Variants in ZNF606 observed in about 807,000 individuals in gnomAD.
ZNF606 encodes the protein zinc finger protein 606, also known as zinc finger protein 328.
Under a neutral mutation model 74.9 loss-of-function variants are expected in ZNF606, and 37 were observed. That is an observed-to-expected ratio of 0.49 (90% CI 0.38 to 0.65). The LOEUF is 0.65. ZNF606 is among the 30% of genes least tolerant of loss of function. The pLI, the probability that ZNF606 is intolerant of heterozygous loss-of-function variation, is 0.00. For synonymous variants in ZNF606, 328 were observed against 312.4 expected, an observed-to-expected ratio of 1.05 and a Z score of -0.53; for missense variants, 852 against 952.9, an observed-to-expected ratio of 0.89 and a Z score of 1.39.
intron 4 of ZNF606, among the ~76,000 whole-genome samples, chr19:57,995,783 C>A (rs979503594): frequency 1.3e-5 from 2 of 152,070 alleles, no homozygotes; most frequent in African/African-American, 4.8e-5. Context: ...CATGCCACTG[C>A]ACTCCAGTAT....
intron 6 of ZNF606, among the ~76,000 whole-genome samples, chr19:57,985,934 A>G (rs1028718870): frequency 1.3e-5 from 2 of 151,222 alleles, no homozygotes; most frequent in African/African-American, 4.9e-5. Context: ...AGTCTGTCTC[A>G]ATAAATAAAT....
At chr19:57,995,485 A>C (rs1455361397) in intron 4 of ZNF606, among the ~76,000 whole-genome samples, 1 of 152,170 alleles carries the variant, frequency 6.6e-6, no homozygotes, top group Non-Finnish European at 1.5e-5. Flanking sequence ...AAGTTGAAAA[A>C]AGAAAACTAT....
At position 57,979,374 on chromosome 19, in the gene ZNF606, C is replaced by G. The variant is rs200069607; in HGVS notation, c.1306G>C (p.Val436Leu). The G allele has an allele frequency of 4.3e-6, 7 of 1,613,050 alleles. No homozygotes were observed. In the East Asian group the frequency reaches 1.6e-4, roughly 36 times the overall value. The change falls in exon 7 of 7, where the codon GTT becomes CTT. Residue 436 changes from valine (V) to leucine (L), a missense_variant. Physicochemically the swap from Val to Leu is conservative, Grantham distance 32. Around this residue, in one of 3 missense-constraint regions of ZNF606, gnomAD observed 545 missense variants for 542.5 expected, o/e 1.00. Coordinates refer to ENST00000551380, the MANE Select transcript of ZNF606 (RefSeq NM_001348022.3). ...KPYECDKCGKVFRNRSALTKH... is the reference protein window; with the variant it reads ...KPYECDKCGKLFRNRSALTKH... ...GTAAGGGCTGAGCGATTCCTAAAAA[C>G]TTTTCCACATTTATCACATTCATAG...
chr19:57,979,889 T>C lies in ZNF606; in HGVS notation c.791A>G (p.Asn264Ser). Reference sequence around the variant, plus strand: ...CTGATAAACAGTTTTGTCATAATCATTATTTTCACAGGTAACCTTATCTGC... The same window carrying C: ...CTGATAAACAGTTTTGTCATAATCACTATTTTCACAGGTAACCTTATCTGC... ...MYADKVTCEN[N>S]DYDKTVYQSI... The change falls in exon 7 of 7, where the codon AAT becomes AGT. Residue 264 changes from asparagine (N) to serine (S), a missense_variant. Coordinates refer to ENST00000551380, the MANE Select transcript of ZNF606 (RefSeq NM_001348022.3). 1 of 1,613,936 alleles carries C rather than the reference T, an allele frequency of 6.2e-7. No individual in the cohort carries two copies. Among genetic ancestry groups the C allele is most frequent in the African/African-American group, 1.3e-5 (1 of 75,054 alleles).
intron 6 of ZNF606, among the ~76,000 whole-genome samples, chr19:57,984,733 C>T (rs73066266): frequency 0.29 from 44,397 of 151,992 alleles, 7,776 homozygotes; most frequent in South Asian, 0.46. Context: ...AAAATTTCAC[C>T]ACTCTGTAAA....
intron 4 of ZNF606, among the ~76,000 whole-genome samples, chr19:57,991,459 T>C (rs887625920): frequency 1.5e-4 from 23 of 152,222 alleles, no homozygotes; most frequent in Non-Finnish European, 3.4e-4. Context: ...CTCAGTATGC[T>C]TGATGACTAC....
At chr19:58,002,280 C>T (rs951417874) in intron 1 of ZNF606, 116 bp downstream of exon 1, 2 of 456,620 alleles carry the variant, frequency 4.4e-6, no homozygotes, top group East Asian at 6.9e-5. Flanking sequence ...CGGGGTTATT[C>T]GTCCCATCAA....
chr19:57,986,126 T>C (rs1333629073), intron 6 of ZNF606, among the ~76,000 whole-genome samples: 3 of 151,868 alleles, frequency 2.0e-5, no homozygotes, highest in Non-Finnish European at 4.4e-5. Flanking sequence ...CCTTCAAAAA[T>C]GAAGGAGAAA....
intron 4 of ZNF606, among the ~76,000 whole-genome samples, chr19:57,994,474 C>T (rs1378633662): frequency 6.6e-6 from 1 of 152,218 alleles, no homozygotes; most frequent in Non-Finnish European, 1.5e-5. Context: ...TTGACAAAAA[C>T]ATACCAACAT....
chr19:58,000,569 G>C (rs1166882458), intron 3 of ZNF606, 114 bp downstream of exon 3: 2 of 1,146,246 alleles, frequency 1.7e-6, no homozygotes, highest in Non-Finnish European at 2.6e-6. Flanking sequence ...GACAGATCTG[G>C]ACCACCTGCC....
intron 4 of ZNF606, chr19:57,998,689 A>C (rs188277809): frequency 1.4e-5 from 2 of 145,512 alleles, no homozygotes; most frequent in African/African-American, 5.0e-5. Flanking sequence ...TACACACTTT[A>C]AAAGGATAAA....
chr19:57,997,526 T>TC, intron 4 of ZNF606: 1 of 152,312 alleles, frequency 6.6e-6, no homozygotes, highest in African/African-American at 2.4e-5. Flanking sequence ...AATCCGAGTT[T>TC]CCCACAGGAA....
chr19:57,989,469 CAG>C (rs148717875), intron 4 of ZNF606, among the ~76,000 whole-genome samples: 3,631 of 152,024 alleles, frequency 0.024, 137 homozygotes, highest in African/African-American at 0.082. Context: ...TTTATCGAGA[CAG>C]AGTCTCGCTC....
intron 4 of ZNF606, chr19:57,997,348 T>C (rs919174321): frequency 2.6e-5 from 4 of 152,250 alleles, no homozygotes; most frequent in African/African-American, 9.6e-5. Context: ...CTATTCAACA[T>C]ACTTCCATGA....
At chr19:57,993,062 AGATAT>A (rs1157610865) in intron 4 of ZNF606, among the ~76,000 whole-genome samples, 3 of 152,186 alleles carry the variant, frequency 2.0e-5, no homozygotes, top group Admixed American at 1.3e-4. Flanking sequence ...GAGTCACAGG[AGATAT>A]GACGCAAGCA....
At chr19:57,997,121 G>A (rs1038719324) in intron 4 of ZNF606, among the ~76,000 whole-genome samples, 2 of 152,196 alleles carry the variant, frequency 1.3e-5, no homozygotes, top group African/African-American at 4.8e-5. Flanking sequence ...CCTCAAGTCT[G>A]ACCAAGCATG....
rs2073203629 is a variant in ZNF606 at position 57,988,670 on chromosome 19, C to A, written c.229G>T (p.Gly77Trp). ...GTCCTCTGAACAAGGTCCAGCTGCC[C>A]CCACTCTTCTTGGGTGAAGTCCACG... ...VAVDFTQEEWGQLDLVQRTLY... is the reference protein window; with the variant it reads ...VAVDFTQEEWWQLDLVQRTLY... The change falls in exon 5 of 7, where the codon GGG becomes TGG. Residue 77 changes from glycine to tryptophan, a missense_variant. Coordinates refer to ENST00000551380, the MANE Select transcript of ZNF606 (RefSeq NM_001348022.3). 1.2e-6 allele frequency: 2 copies of A among 1,614,008 alleles called. No homozygotes were observed. The highest frequency in any genetic ancestry group is 2.7e-5 in the African/African-American group (2 of 74,886).
chr19:57,987,282 G>A (rs958529691), intron 6 of ZNF606, among the ~76,000 whole-genome samples: 1 of 152,034 alleles, frequency 6.6e-6, no homozygotes, highest in Non-Finnish European at 1.5e-5. Context: ...GTCTTGCTCT[G>A]TCACTCGGGC....
At chr19:57,996,331 G>C (rs1225843812) in intron 4 of ZNF606, among the ~76,000 whole-genome samples, 1 of 152,054 alleles carries the variant, frequency 6.6e-6, no homozygotes, top group East Asian at 1.9e-4. Context: ...GTGAAACCCT[G>C]TCTCGATTAA....
Sources: gnomAD v4.1 joint callset for allele counts (sites outside exome capture counted in the v4.1 genomes callset) on GRCh38, gnomAD v4.1.1 for gene constraint, gnomAD v4.1.1 regional missense constraint, MANE v1.5 for transcripts, NCBI Gene and HGNC (gene_info 2026-07-23, HGNC 2026-07-21) for gene names.